Variants in EPSTI1 observed in about 807,000 individuals in gnomAD.
The protein encoded by EPSTI1 is epithelial stromal interaction 1.
Under a neutral mutation model 49.9 loss-of-function variants are expected in EPSTI1, and 66 were observed. The ratio of observed to expected loss-of-function variants is 1.32; its 90% CI spans 1.08 to 1.62. The LOEUF (loss-of-function observed/expected upper bound fraction) is 1.62, where lower values mean the gene tolerates loss of function less well. EPSTI1 is among the 40% of genes most tolerant of loss of function. The pLI is 0.00. For missense variants in EPSTI1, 394 were observed against 365.5 expected (o/e 1.08, Z -0.64); for synonymous variants, 137 against 130.7 (o/e 1.05, Z -0.33).
At chr13:42,929,932 G>A (rs2153422567) in intron 6 of EPSTI1, among the ~76,000 whole-genome samples, 1 of 152,322 alleles carries the variant, frequency 6.6e-6, no homozygotes, top group South Asian at 2.1e-4. Flanking sequence ...AGACCAGTGT[G>A]GGGCTGGCTA....
chr13:42,909,720 T>G (rs1371424146), intron 8 of EPSTI1, among the ~76,000 whole-genome samples: 1 of 152,078 alleles, frequency 6.6e-6, no homozygotes, highest in Non-Finnish European at 1.5e-5. Context: ...ATATGGACTT[T>G]AAAAAGCTGA....
chr13:42,923,696 C>G (rs1235368676), intron 7 of EPSTI1, among the ~76,000 whole-genome samples: 1 of 152,228 alleles, frequency 6.6e-6, no homozygotes, highest in East Asian at 1.9e-4. Context: ...ACACACAATA[C>G]AGAGAACTAT....
chr13:42,896,640 C>T (rs1462635727), intron 9 of EPSTI1, among the ~76,000 whole-genome samples: 2 of 152,206 alleles, frequency 1.3e-5, no homozygotes, highest in African/African-American at 4.8e-5. Context: ...ATCTAGTCCC[C>T]ATACAACAAC....
Position 42,925,433 on chromosome 13 carries a change from G to A in EPSTI1, c.657+903C>T, listed in dbSNP as rs551490321. Among the ~76,000 whole-genome samples the A allele has an allele frequency of 5.3e-5, 8 of 152,194 alleles. No individual in the cohort carries two copies. In the South Asian group the frequency reaches 1.7e-3, roughly 32 times the overall value. On this transcript the variant is annotated intron_variant, in intron 7 of 10. Coordinates refer to ENST00000313624, the MANE Select transcript of EPSTI1 (RefSeq NM_033255.5). ...GCGGGGCATTTCTACATGTCTCATTGGTAAGCACTGTGTGGGGGCATTTCT... is the reference window on the plus strand; with the variant it reads ...GCGGGGCATTTCTACATGTCTCATTAGTAAGCACTGTGTGGGGGCATTTCT...
At chr13:42,919,425 G>A in intron 7 of EPSTI1, 1 of 1,138,112 alleles carries the variant, frequency 8.8e-7, no homozygotes, top group Non-Finnish European at 1.3e-6. Context: ...CACATAATTT[G>A]TCTAACATTG....
chr13:42,949,752 A>G (rs2039040234), intron 6 of EPSTI1, among the ~76,000 whole-genome samples: 1 of 152,122 alleles, frequency 6.6e-6, no homozygotes, highest in African/African-American at 2.4e-5. Context: ...CCCGCACACA[A>G]AATGAATCTG....
chr13:42,955,877 T>TTGGCGGGGGC (rs372278878), intron 5 of EPSTI1, among the ~76,000 whole-genome samples: 1 of 105,546 alleles, frequency 9.5e-6, no homozygotes, highest in African/African-American at 4.5e-5. Context: ...AAGAAGTATT[T>TTGGCGGGGGC]GGGGGGGGGG....
chr13:42,990,760 T>G (rs910114051), intron 1 of EPSTI1, among the ~76,000 whole-genome samples: 1 of 152,178 alleles, frequency 6.6e-6, no homozygotes, highest in Non-Finnish European at 1.5e-5. Flanking sequence ...AAATCTACTG[T>G]TTATCGGCCA....
chr13:42,900,679 T>C (rs2037329926), intron 8 of EPSTI1, among the ~76,000 whole-genome samples: 1 of 151,360 alleles, frequency 6.6e-6, no homozygotes, highest in Non-Finnish European at 1.5e-5. Context: ...ACAATGTAAG[T>C]CAAACTCATC....
intron 6 of EPSTI1, among the ~76,000 whole-genome samples, chr13:42,948,612 G>A (rs1299524255): frequency 6.6e-6 from 1 of 151,848 alleles, no homozygotes; most frequent in Non-Finnish European, 1.5e-5. Flanking sequence ...AAGGAGCTGG[G>A]ACTACAGGCA....
chr13:42,933,282 C>T (rs9562442), intron 6 of EPSTI1, among the ~76,000 whole-genome samples: 2 of 143,054 alleles, frequency 1.4e-5, no homozygotes, highest in Non-Finnish European at 3.0e-5. Flanking sequence ...TATCTTCTCT[C>T]TAAGTTGGAA....
At chr13:42,913,146 C>T (rs367798195) in intron 8 of EPSTI1, among the ~76,000 whole-genome samples, 1 of 151,322 alleles carries the variant, frequency 6.6e-6, no homozygotes, top group Non-Finnish European at 1.5e-5. Context: ...AATTCAGTGT[C>T]AGTAAAAAAA....
chr13:42,928,981 TTC>T (rs1364650105), intron 6 of EPSTI1, among the ~76,000 whole-genome samples: 30 of 152,324 alleles, frequency 2.0e-4, no homozygotes, highest in African/African-American at 7.2e-4. Context: ...TCAGTTTTGG[TTC>T]CTAAATACCT....
Position 42,969,173 on chromosome 13 carries a change from C to T in EPSTI1, c.252G>A (p.Ala84=), listed in dbSNP as rs150264875. Residue 84 remains alanine (A), a synonymous_variant, in exon 3 of 11, where the codon GCG becomes GCA. Transcript: ENST00000313624. ...INRRNEIQRI[A]EQELANLEKW... is the part of the protein sequence containing the mutation. ...TCTCCAGGTTGGCCAGCTCCTGCTC[C>T]GCAACTAAGCCAGGCGAGAAATATC... is the stretch of plus-strand genomic sequence containing the variant. 5.0e-5 allele frequency: 81 copies of T among 1,613,878 alleles called. No individual in the cohort carries two copies. In the African/African-American group the frequency reaches 8.5e-4, roughly 17 times the overall value.
At position 42,970,705 on chromosome 13, in the gene EPSTI1, T is replaced by C. The variant is rs111810403; in HGVS notation, c.189-35A>G. On this transcript the variant is annotated intron_variant, in intron 1 of 10. Coordinates refer to ENST00000313624, the MANE Select transcript of EPSTI1 (RefSeq NM_033255.5). ...AGAGAAAAAAAAATGCTTATTACCA[T>C]GAGAAACTACCAATGCATATAAGCC... is the stretch of plus-strand genomic sequence containing the variant. 8.7e-5 allele frequency: 135 copies of C among 1,556,732 alleles called. No individual in the cohort carries two copies. The African/African-American group carries it at 1.2e-3, about 14-fold the overall frequency.
Position 42,963,320 on chromosome 13 carries a change from C to T in EPSTI1, c.424G>A (p.Val142Ile). ...YKQKLKREES[V>I]RIKKEAEEAE... ...TCTTCAGCTTCCTTCTTGATTCTTACAGATTCTTCTCTTTTTAGCTAAATT... is the reference window on the plus strand; with the variant it reads ...TCTTCAGCTTCCTTCTTGATTCTTATAGATTCTTCTCTTTTTAGCTAAATT... Residue 142 changes from valine to isoleucine, a missense_variant, in exon 5 of 11, where the codon GTA becomes ATA. Physicochemically the swap from Val to Ile is conservative, Grantham distance 29. Coordinates refer to ENST00000313624, the MANE Select transcript of EPSTI1 (RefSeq NM_033255.5). 1.9e-6 allele frequency: 3 copies of T among 1,612,462 alleles called. No individual in the cohort carries two copies. The highest frequency in any genetic ancestry group is 2.5e-6 in the Non-Finnish European group (3 of 1,179,542).
At chr13:42,981,942 GA>G (rs35556655) in intron 1 of EPSTI1, among the ~76,000 whole-genome samples, 1 of 151,422 alleles carries the variant, frequency 6.6e-6, no homozygotes, top group Admixed American at 6.6e-5. Flanking sequence ...TCAGAAGTCT[GA>G]AAAAAAAATC....
chr13:42,896,992 C>A (rs2037209568), intron 9 of EPSTI1, among the ~76,000 whole-genome samples: 1 of 151,558 alleles, frequency 6.6e-6, no homozygotes, highest in Non-Finnish European at 1.5e-5. Flanking sequence ...CCCAGCTACT[C>A]AGGAGGCTGA....
At chr13:42,983,826 A>G (rs972670223) in intron 1 of EPSTI1, among the ~76,000 whole-genome samples, 1 of 152,186 alleles carries the variant, frequency 6.6e-6, no homozygotes, top group African/African-American at 2.4e-5. Flanking sequence ...TGACATACTT[A>G]ACACAAGGTC....
Sources: allele counts gnomAD v4.1 joint callset (sites outside exome capture counted in the v4.1 genomes callset), GRCh38; gene constraint gnomAD v4.1.1; transcripts MANE v1.5; gene names NCBI Gene and HGNC (gene_info 2026-07-23, HGNC 2026-07-21).